Variants in CSMD1 observed in about 807,000 individuals in gnomAD.
The protein encoded by CSMD1 is CUB and Sushi multiple domains 1, also known as CUB and sushi domain-containing protein 1.
Under a neutral mutation model 417.5 loss-of-function variants are expected in CSMD1, and 213 were observed. That is an observed-to-expected ratio of 0.51 (90% CI 0.46 to 0.57). CSMD1 has a LOEUF of 0.57. Ranked by LOEUF, CSMD1 falls within the 20% of genes least tolerant of loss-of-function variation. The pLI, the probability that CSMD1 is intolerant of heterozygous loss-of-function variation, is 0.00. For synonymous variants in CSMD1, 2,862 were observed against 1,736.8 expected (o/e 1.65, Z -16.11); for missense variants, 6,923 against 4,529.7 (o/e 1.53, Z -15.17).
At chr8:3,639,517 C>G (rs1270204796) in intron 7 of CSMD1, among the ~76,000 whole-genome samples, 1 of 152,156 alleles carries the variant, frequency 6.6e-6, no homozygotes. Context: ...GTAAAAGACA[C>G]AGATAACATA....
intron 37 of CSMD1, among the ~76,000 whole-genome samples, chr8:3,177,662 A>G (rs1488293202): frequency 1.3e-5 from 2 of 152,176 alleles, no homozygotes; most frequent in Admixed American, 6.5e-5. Flanking sequence ...ATAAAAAAAC[A>G]GATGGGGTAA....
chr8:4,613,343 G>A (rs1469504401), intron 2 of CSMD1, among the ~76,000 whole-genome samples: 1 of 152,192 alleles, frequency 6.6e-6, no homozygotes, highest in African/African-American at 2.4e-5. Context: ...TGTCTACAGG[G>A]TTGTCATTCT....
rs188175757 is a variant in CSMD1, at chr8:3,425,739, C to T, written c.1562-16134G>A. 1.8e-3 allele frequency among the ~76,000 whole-genome samples: 270 copies of T among 152,176 alleles called. 2 individuals are homozygous for T. The highest frequency in any genetic ancestry group is 0.017 in the Middle Eastern group (5 of 294). ...ACATCAAAGAAAATCTGGCTAGGTT[C>T]GGATACCCTTTTTCTCTCTTTTTAT... On this transcript the variant is annotated intron_variant, in intron 12 of 69. Coordinates refer to ENST00000635120, the MANE Select transcript of CSMD1 (RefSeq NM_033225.6).
chr8:4,624,781 G>T (rs1802000854), intron 2 of CSMD1, among the ~76,000 whole-genome samples: 1 of 152,132 alleles, frequency 6.6e-6, no homozygotes, highest in Admixed American at 6.5e-5. Context: ...ATTCAAGTTT[G>T]TGACCCTAGT....
chr8:4,031,658 ATAT>A (rs752462769), intron 4 of CSMD1, among the ~76,000 whole-genome samples: 17 of 152,160 alleles, frequency 1.1e-4, no homozygotes, highest in African/African-American at 1.9e-4. Context: ...GTAATATTAT[ATAT>A]TATTACTTAT....
intron 1 of CSMD1, among the ~76,000 whole-genome samples, chr8:4,711,159 A>T (rs952079568): frequency 1.8e-5 from 2 of 109,204 alleles, no homozygotes; most frequent in African/African-American, 8.7e-5. Flanking sequence ...ATTTTCTCAC[A>T]AAAAAAAAAA....
At position 4,310,554 on chromosome 8, in the gene CSMD1, C is replaced by G. The variant is rs955715448; in HGVS notation, c.415+109399G>C. 6.2e-4 allele frequency among the ~76,000 whole-genome samples: 94 copies of G among 152,108 alleles called. 1 individual carries two copies. The highest frequency in any genetic ancestry group is 2.5e-4 in the Non-Finnish European group (17 of 68,020). The stretch of plus-strand genomic sequence containing the variant: ...CTTTGGACACAATAAAATCTCAATA[C>G]TTGTATGACATTTACATTTTTGAAA... On this transcript the variant is annotated intron_variant, in intron 3 of 69. Transcript: ENST00000635120.
Position 3,308,376 on chromosome 8 carries a change from G to T in CSMD1, c.3759C>A (p.Ser1253Arg). The T allele has an allele frequency of 1.2e-6, 2 of 1,613,822 alleles. No homozygotes were observed. The highest frequency in any genetic ancestry group is 2.2e-5 in the East Asian group (1 of 44,842). The part of the protein sequence containing the change: ...SCNPGYAMHG[S>R]NTLTCLSGDR... ...CTCCACTCAAACAGGTCAGGGTGTTGCTGCCATGCATGGCGTACCCCGGGT... is the reference window on the plus strand; with the variant it reads ...CTCCACTCAAACAGGTCAGGGTGTTTCTGCCATGCATGGCGTACCCCGGGT... Residue 1253 changes from serine (S) to arginine (R), a missense_variant, in exon 24 of 70, where the codon AGC (serine) becomes AGA (arginine). Coordinates refer to ENST00000635120, the MANE Select transcript of CSMD1 (RefSeq NM_033225.6).
chr8:3,548,256 T>C (rs1192029075), intron 10 of CSMD1, among the ~76,000 whole-genome samples: 1 of 152,158 alleles, frequency 6.6e-6, no homozygotes, highest in Non-Finnish European at 1.5e-5. Flanking sequence ...CCTTCCTCAC[T>C]CTCTGTAGCC....
In CSMD1 at chr8:4,994,410, C is replaced by T. The variant is rs760142571; in HGVS notation, c.7G>A (p.Ala3Thr). The change falls in exon 1 of 70, where the codon GCG becomes ACG. Residue 3 changes from alanine (A) to threonine (T), a missense_variant. Transcript: ENST00000635120. MT[A>T]WRRFQSLLLL... ...AGCAGCGACTGGAATCTCCTCCACG[C>T]AGTCATGTCTGCAGATACTCCACAC... is the stretch of plus-strand genomic sequence containing the variant. 8.1e-6 allele frequency: 13 copies of T among 1,611,930 alleles called. No homozygotes were observed. The highest frequency in any genetic ancestry group is 1.6e-4 in the Middle Eastern group (1 of 6,084).
Position 4,352,089 on chromosome 8 carries a change from G to A in CSMD1, c.415+67864C>T, listed in dbSNP as rs776459420. Among the ~76,000 whole-genome samples, 7 of 151,856 alleles carry A rather than the reference G, an allele frequency of 4.6e-5. No individual in the cohort carries two copies. In the South Asian group the frequency reaches 6.2e-4, roughly 13 times the overall value. On this transcript the variant is annotated intron_variant, in intron 3 of 69. Coordinates refer to ENST00000635120, the MANE Select transcript of CSMD1 (RefSeq NM_033225.6). The stretch of plus-strand genomic sequence containing the variant: ...CAGTGTTAGCCACTCTCCTTCTACT[G>A]CTGGAATACTTTGTAAATTAGAGAA...
intron 8 of CSMD1, among the ~76,000 whole-genome samples, chr8:3,612,953 G>A (rs1801963017): frequency 6.6e-6 from 1 of 151,984 alleles, no homozygotes; most frequent in Admixed American, 6.6e-5. Context: ...TGAAATTGAA[G>A]AGAAACTAAA....
intron 2 of CSMD1, among the ~76,000 whole-genome samples, chr8:4,613,291 G>C (rs539177690): frequency 6.3e-4 from 96 of 152,252 alleles, no homozygotes; most frequent in Non-Finnish European, 1.1e-3. Flanking sequence ...TCCATGCTCC[G>C]AGTGCCCATT....
intron 1 of CSMD1, among the ~76,000 whole-genome samples, chr8:4,948,548 G>C (rs1055391297): frequency 1.3e-5 from 2 of 152,014 alleles, no homozygotes; most frequent in South Asian, 2.1e-4. Flanking sequence ...TTGTAAATCT[G>C]CTAGAAAATT....
intron 3 of CSMD1, among the ~76,000 whole-genome samples, chr8:4,366,709 TTTA>T (rs918813484): frequency 2.8e-4 from 43 of 151,860 alleles, no homozygotes; most frequent in African/African-American, 9.9e-4. Flanking sequence ...TTTCTTTTAT[TTTA>T]TTATTATTAT....
chr8:3,314,206 C>G (rs1234444226), intron 23 of CSMD1, among the ~76,000 whole-genome samples: 1 of 151,868 alleles, frequency 6.6e-6, no homozygotes, highest in Non-Finnish European at 1.5e-5. Context: ...ACCAACATGG[C>G]ACATGTATAC....
intron 1 of CSMD1, among the ~76,000 whole-genome samples, chr8:4,786,441 T>C (rs1347519296): frequency 6.6e-6 from 1 of 152,246 alleles, no homozygotes; most frequent in Non-Finnish European, 1.5e-5. Context: ...CCAGCATTCA[T>C]CATGTATCTT....
intron 1 of CSMD1, among the ~76,000 whole-genome samples, chr8:4,657,411 C>A (rs888836907): frequency 2.6e-5 from 4 of 152,162 alleles, no homozygotes; most frequent in Non-Finnish European, 5.9e-5. Flanking sequence ...CATGTCCATT[C>A]CCTTCCCTCT....
chr8:4,369,261 GTCTT>G (rs1802265844), intron 3 of CSMD1, among the ~76,000 whole-genome samples: 1 of 152,016 alleles, frequency 6.6e-6, no homozygotes, highest in Non-Finnish European at 1.5e-5. Flanking sequence ...GCTCTGATGG[GTCTT>G]TCTGATACGA....
Sources: allele counts gnomAD v4.1 joint callset (sites outside exome capture counted in the v4.1 genomes callset), GRCh38; gene constraint gnomAD v4.1.1; transcripts MANE v1.5; gene names NCBI Gene and HGNC (gene_info 2026-07-23, HGNC 2026-07-21).